The following CNTNAP2 variants were observed in gnomAD, a reference collection of about 807,000 sequenced individuals.
The protein encoded by CNTNAP2 is contactin associated protein 2.
A neutral mutation model predicts 155.2 loss-of-function variants in CNTNAP2; 98 were observed. That is an observed-to-expected ratio of 0.63 (90% CI 0.54 to 0.75). The LOEUF (loss-of-function observed/expected upper bound fraction) is 0.75, where lower values mean the gene tolerates loss of function less well. CNTNAP2 is among the 30% of genes least tolerant of loss of function. The pLI, the probability that CNTNAP2 is intolerant of heterozygous loss-of-function variation, is 0.00. For synonymous variants in CNTNAP2, 651 were observed against 631.2 expected, an observed-to-expected ratio of 1.03 and a Z score of -0.47; for missense variants, 1,727 against 1,688.1, an observed-to-expected ratio of 1.02 and a Z score of -0.40.
At chr7:148,217,895 T>A (rs945931302) in intron 19 of CNTNAP2, among the ~76,000 whole-genome samples, 2 of 152,196 alleles carry the variant, frequency 1.3e-5, no homozygotes, top group Non-Finnish European at 2.9e-5. Context: ...GAGGCCAAGG[T>A]GGGCGGATCA....
intron 1 of CNTNAP2, among the ~76,000 whole-genome samples, chr7:146,329,562 T>G (rs1801148057): frequency 6.6e-6 from 1 of 152,184 alleles, no homozygotes; most frequent in South Asian, 2.1e-4. Context: ...TTAATTTGGT[T>G]TAATGTTGCC....
chr7:146,875,113 A>G (rs1795393352), intron 3 of CNTNAP2, among the ~76,000 whole-genome samples: 1 of 152,198 alleles, frequency 6.6e-6, no homozygotes, highest in Admixed American at 6.6e-5. Context: ...AAAGACAGAC[A>G]TAGGCTGAAA....
chr7:147,031,983 C>T (rs944934380), intron 3 of CNTNAP2, among the ~76,000 whole-genome samples: 1 of 152,066 alleles, frequency 6.6e-6, no homozygotes, highest in Admixed American at 6.6e-5. Flanking sequence ...TGAGGAGTGG[C>T]ATTAATTGAA....
At chr7:147,803,248 G>A (rs1798036170) in intron 13 of CNTNAP2, among the ~76,000 whole-genome samples, 1 of 152,154 alleles carries the variant, frequency 6.6e-6, no homozygotes, top group South Asian at 2.1e-4. Flanking sequence ...CCCCCAAAAT[G>A]TGACCTCTTT....
intron 4 of CNTNAP2, among the ~76,000 whole-genome samples, chr7:147,045,822 A>C (rs1799345818): frequency 6.6e-6 from 1 of 152,078 alleles, no homozygotes; most frequent in African/African-American, 2.4e-5. Flanking sequence ...ACACACACAC[A>C]TATATATAGG....
chr7:147,661,477 C>T (rs898330737), intron 13 of CNTNAP2, among the ~76,000 whole-genome samples: 10 of 151,838 alleles, frequency 6.6e-5, no homozygotes, highest in Admixed American at 2.6e-4. Flanking sequence ...TTGTATGCCT[C>T]GACAAGGCTT....
At chr7:146,331,245 A>G (rs887326990) in intron 1 of CNTNAP2, among the ~76,000 whole-genome samples, 1 of 149,878 alleles carries the variant, frequency 6.7e-6, no homozygotes, top group Non-Finnish European at 1.5e-5. Flanking sequence ...CGGAGCTTGC[A>G]GTGAGCCGAG....
intron 12 of CNTNAP2, among the ~76,000 whole-genome samples, chr7:147,599,314 TA>T (rs1201044349): frequency 6.6e-6 from 1 of 150,956 alleles, no homozygotes; most frequent in Non-Finnish European, 1.5e-5. Flanking sequence ...CTGTCTCTAC[TA>T]AAAAAATAAA....
At chr7:148,288,653 A>G (rs1377205152) in intron 21 of CNTNAP2, among the ~76,000 whole-genome samples, 3 of 152,204 alleles carry the variant, frequency 2.0e-5, no homozygotes, top group Non-Finnish European at 4.4e-5. Flanking sequence ...TTCAGATTAT[A>G]TATTACCTAA....
intron 1 of CNTNAP2, among the ~76,000 whole-genome samples, chr7:146,435,738 C>A (rs1341424416): frequency 2.0e-5 from 3 of 152,132 alleles, no homozygotes; most frequent in Non-Finnish European, 4.4e-5. Flanking sequence ...TTTCAACCCC[C>A]TTTATTTAAT....
intron 9 of CNTNAP2, among the ~76,000 whole-genome samples, chr7:147,336,484 G>T (rs1390371684): frequency 6.6e-6 from 1 of 152,088 alleles, no homozygotes; most frequent in Non-Finnish European, 1.5e-5. Flanking sequence ...CTTGGGGTTT[G>T]GTTTAATTTA....
chr7:147,918,216 A>G (rs1180342740), intron 14 of CNTNAP2, among the ~76,000 whole-genome samples: 1 of 152,242 alleles, frequency 6.6e-6, no homozygotes, highest in African/African-American at 2.4e-5. Flanking sequence ...CCTCATGTGT[A>G]TTATAAGTCA....
At chr7:146,474,222 T>G (rs1796840776) in intron 1 of CNTNAP2, among the ~76,000 whole-genome samples, 1 of 150,866 alleles carries the variant, frequency 6.6e-6, no homozygotes, top group South Asian at 2.1e-4. Context: ...TTTTTTTTAT[T>G]TTATTAACCT....
intron 19 of CNTNAP2, among the ~76,000 whole-genome samples, chr7:148,223,050 G>A (rs1529153): frequency 0.99 from 150,238 of 152,304 alleles, 74,134 homozygotes; most frequent in East Asian, 1. Context: ...ACATTCTAAC[G>A]CATATTCAGC....
At chr7:146,664,075 A>G (rs907323571) in intron 1 of CNTNAP2, among the ~76,000 whole-genome samples, 3 of 149,956 alleles carry the variant, frequency 2.0e-5, no homozygotes, top group Admixed American at 6.7e-5. Flanking sequence ...ATAAGTGACT[A>G]TTGAATTCTG....
intron 22 of CNTNAP2, among the ~76,000 whole-genome samples, chr7:148,400,904 C>T (rs986763256): frequency 2.0e-5 from 3 of 151,470 alleles, no homozygotes; most frequent in African/African-American, 4.9e-5. Context: ...CACTTGAACC[C>T]AGGAAGCAGA....
chr7:146,175,342 C>T (rs1272916910), intron 1 of CNTNAP2, among the ~76,000 whole-genome samples: 3 of 152,300 alleles, frequency 2.0e-5, no homozygotes, highest in African/African-American at 7.2e-5. Flanking sequence ...TTTGAAGCCA[C>T]TGCAAGGTAT....
At chr7:147,237,972 A>G (rs989551483) in intron 8 of CNTNAP2, among the ~76,000 whole-genome samples, 1 of 152,254 alleles carries the variant, frequency 6.6e-6, no homozygotes, top group Admixed American at 6.5e-5. Context: ...AAATAGTAGT[A>G]GACCCTAAAT....
At chr7:146,454,456 C>T (rs1222846864) in intron 1 of CNTNAP2, among the ~76,000 whole-genome samples, 2 of 151,994 alleles carry the variant, frequency 1.3e-5, no homozygotes, top group Non-Finnish European at 2.9e-5. Flanking sequence ...ACTGACTCAC[C>T]TTTTAAAATT....
Sources: allele counts gnomAD v4.1 joint callset (sites outside exome capture counted in the v4.1 genomes callset), GRCh38; gene constraint gnomAD v4.1.1; transcripts MANE v1.5; gene names NCBI Gene and HGNC (gene_info 2026-07-23, HGNC 2026-07-21).